The following SLC39A11 variants were observed in gnomAD, a reference collection of about 807,000 sequenced individuals.
The protein encoded by SLC39A11 is zinc transporter ZIP11.
In SLC39A11, 33 loss-of-function variants were observed where a neutral mutation model predicts 36.1. The observed-to-expected ratio is 0.91, with a 90% CI of 0.69 to 1.22. The LOEUF (loss-of-function observed/expected upper bound fraction) is 1.22. Among genes scored for constraint, SLC39A11 ranks in the 50% most tolerant of loss-of-function variants. The pLI is 0.00. For missense variants in SLC39A11, 432 were observed against 430.3 expected (o/e 1.00, Z -0.03); for synonymous variants, 166 against 170.3 (o/e 0.97, Z 0.20).
Position 72,736,677 on chromosome 17 carries a change from G to A in SLC39A11, c.644C>T (p.Thr215Met), listed in dbSNP as rs779334624. ...VGVGFGAIEK[T>M]ASATFESARN... ...GGCACTCTCAAAGGTAGCAGATGCC[G>A]TCTTTTCTATAGCCCCAAATCCAAC... Residue 215 changes from threonine (T) to methionine (M), a missense_variant, in exon 7 of 10, where the codon ACG (threonine) becomes ATG (methionine). By Grantham distance (81) the Thr-to-Met change is moderately conservative. Coordinates refer to ENST00000255559, the MANE Select transcript of SLC39A11 (RefSeq NM_139177.4). 3.0e-5 allele frequency: 48 copies of A among 1,613,872 alleles called. No individual in the cohort carries two copies. Among genetic ancestry groups the A allele is most frequent in the Admixed American group, 1.0e-4 (6 of 59,994 alleles).
chr17:73,071,200 C>T (rs530075019), intron 3 of SLC39A11, among the ~76,000 whole-genome samples: 23 of 152,366 alleles, frequency 1.5e-4, no homozygotes, highest in African/African-American at 5.5e-4. Context: ...AGTTAGCTTA[C>T]TCTGCTAGAC....
intron 6 of SLC39A11, among the ~76,000 whole-genome samples, chr17:72,827,040 T>G (rs1270902712): frequency 6.6e-6 from 1 of 152,214 alleles, no homozygotes. Flanking sequence ...TACAAAAACT[T>G]GTACATGAAA....
chr17:72,734,516 C>T (rs1286578564), intron 7 of SLC39A11, among the ~76,000 whole-genome samples: 3 of 152,172 alleles, frequency 2.0e-5, no homozygotes, highest in Admixed American at 6.5e-5. Context: ...AACACCAAGG[C>T]CTGCTGCCCC....
At chr17:73,087,447 C>T (rs1156917410) in intron 2 of SLC39A11, among the ~76,000 whole-genome samples, 1 of 152,134 alleles carries the variant, frequency 6.6e-6, no homozygotes, top group African/African-American at 2.4e-5. Flanking sequence ...ATTCATTTGC[C>T]GTTTCTACAA....
chr17:72,777,565 A>C (rs986622413), intron 6 of SLC39A11, among the ~76,000 whole-genome samples: 1 of 148,694 alleles, frequency 6.7e-6, no homozygotes, highest in Non-Finnish European at 1.5e-5. Context: ...TGGAGGTGGC[A>C]TGGGAACGAT....
chr17:72,782,895 G>A (rs1384349572), intron 6 of SLC39A11, among the ~76,000 whole-genome samples: 2 of 150,932 alleles, frequency 1.3e-5, no homozygotes, highest in Admixed American at 6.6e-5. Flanking sequence ...CTAGCTACTC[G>A]GGAGGCTGAG....
chr17:72,803,883 C>A lies in SLC39A11; in HGVS notation c.601+45751G>T, dbSNP rs146430038. ...AGATGCTTTCCTATTAGCCCTCATC[C>A]GTCATATCCCACTCTTACCAACTTT... On this transcript the variant is annotated intron_variant, in intron 6 of 9. Coordinates refer to ENST00000255559, the MANE Select transcript of SLC39A11 (RefSeq NM_139177.4). Among the ~76,000 whole-genome samples the A allele has an allele frequency of 6.5e-4, 99 of 152,228 alleles. 1 individual carries two copies. The East Asian group carries it at 0.016, about 25-fold the overall frequency.
chr17:72,834,986 G>A (rs2078461364), intron 6 of SLC39A11, among the ~76,000 whole-genome samples: 1 of 152,212 alleles, frequency 6.6e-6, no homozygotes, highest in Non-Finnish European at 1.5e-5. Context: ...AAGTTTCCCT[G>A]CCACTTTTAT....
intron 7 of SLC39A11, among the ~76,000 whole-genome samples, chr17:72,662,635 G>GAAAGAAAGAA (rs1555630790): frequency 6.0e-5 from 7 of 115,808 alleles, no homozygotes; most frequent in African/African-American, 1.9e-4. Context: ...AGAGAAGAAA[G>GAAAGAAAGAA]AGAGAAAGAA....
intron 6 of SLC39A11, among the ~76,000 whole-genome samples, chr17:72,843,509 A>C (rs1489443389): frequency 6.6e-6 from 1 of 152,154 alleles, no homozygotes; most frequent in African/African-American, 2.4e-5. Context: ...TAACAACCTC[A>C]TGAAATGAGA....
chr17:73,078,066 G>C (rs1338136792), intron 3 of SLC39A11, among the ~76,000 whole-genome samples: 2 of 151,868 alleles, frequency 1.3e-5, no homozygotes, highest in African/African-American at 4.8e-5. Flanking sequence ...GTGAAACCCC[G>C]TCTCTACTAA....
At chr17:72,746,387 G>A (rs1393054259) in intron 6 of SLC39A11, among the ~76,000 whole-genome samples, 2 of 152,106 alleles carry the variant, frequency 1.3e-5, no homozygotes, top group African/African-American at 2.4e-5. Flanking sequence ...GGGAGGCTGA[G>A]GCAGGAAGAT....
At chr17:72,652,119 C>T (rs71377866) in intron 7 of SLC39A11, among the ~76,000 whole-genome samples, 9,924 of 152,276 alleles carry the variant, frequency 0.065, 433 homozygotes, top group Non-Finnish European at 0.092. Flanking sequence ...TGGCTATGGA[C>T]AGTACATAAA....
At chr17:72,701,241 G>A (rs549125274) in intron 7 of SLC39A11, among the ~76,000 whole-genome samples, 1 of 152,316 alleles carries the variant, frequency 6.6e-6, no homozygotes, top group African/African-American at 2.4e-5. Context: ...CTGAAGAGAG[G>A]GAGGTGTGGA....
intron 3 of SLC39A11, among the ~76,000 whole-genome samples, chr17:73,048,384 T>C (rs2059390458): frequency 6.6e-6 from 1 of 152,192 alleles, no homozygotes; most frequent in South Asian, 2.1e-4. Flanking sequence ...TTTTTATGAC[T>C]GCATAGTATT....
intron 4 of SLC39A11, among the ~76,000 whole-genome samples, chr17:72,989,955 G>A (rs1158491487): frequency 6.6e-6 from 1 of 152,172 alleles, no homozygotes; most frequent in Non-Finnish European, 1.5e-5. Context: ...TTCTTTCGAT[G>A]AGACGTCATC....
At chr17:72,937,028 G>A (rs546487645) in intron 5 of SLC39A11, among the ~76,000 whole-genome samples, 181 of 152,350 alleles carry the variant, frequency 1.2e-3, no homozygotes, top group African/African-American at 4.1e-3. Context: ...CCTTGCGGTA[G>A]AGGGTCCCAA....
chr17:73,033,516 T>C (rs2058806015), intron 3 of SLC39A11, among the ~76,000 whole-genome samples: 1 of 152,182 alleles, frequency 6.6e-6, no homozygotes, highest in African/African-American at 2.4e-5. Flanking sequence ...TCCTAGCTAC[T>C]GGGGAGCCTT....
At chr17:72,654,445 C>A in intron 7 of SLC39A11, among the ~76,000 whole-genome samples, 1 of 152,180 alleles carries the variant, frequency 6.6e-6, no homozygotes, top group East Asian at 1.9e-4. Flanking sequence ...TGCAAGCTGA[C>A]CCTGAGCTCC....
Sources: allele counts gnomAD v4.1 joint callset (sites outside exome capture counted in the v4.1 genomes callset), GRCh38; gene constraint gnomAD v4.1.1; transcripts MANE v1.5; gene names NCBI Gene and HGNC (gene_info 2026-07-23, HGNC 2026-07-21).